Variants in CCNH observed in about 807,000 individuals in gnomAD.
CCNH encodes the protein cyclin H.
Under a neutral mutation model 41.9 loss-of-function variants are expected in CCNH, and 31 were observed. The observed-to-expected ratio is 0.74, with a 90% CI of 0.56 to 1.00. The LOEUF (loss-of-function observed/expected upper bound fraction) is 1.00, where lower values mean the gene tolerates loss of function less well. Among genes scored for constraint, CCNH ranks in the 50% least tolerant of loss-of-function variants. The pLI, the probability that CCNH is intolerant of heterozygous loss-of-function variation, is 0.00. For missense variants in CCNH, 362 were observed against 388.4 expected, an observed-to-expected ratio of 0.93 and a Z score of 0.57; for synonymous variants, 138 against 136.1, an observed-to-expected ratio of 1.01 and a Z score of -0.10.
intron 9 of CCNH, among the ~76,000 whole-genome samples, chr5:87,323,560 A>C (rs1756986620): frequency 6.6e-6 from 1 of 152,206 alleles, no homozygotes; most frequent in African/African-American, 2.4e-5. Flanking sequence ...AAATTCCATA[A>C]GTAAGGTAGT....
chr5:87,399,534 C>G (rs1363442046), intron 6 of CCNH, 29 bp from the exon 7 acceptor site: 2 of 1,453,522 alleles, frequency 1.4e-6, no homozygotes, highest in Non-Finnish European at 9.7e-7. Flanking sequence ...AGAATTTAAA[C>G]TGAATAAGCA....
chr5:87,334,677 T>A (rs1231919979), intron 9 of CCNH, among the ~76,000 whole-genome samples: 1 of 152,232 alleles, frequency 6.6e-6, no homozygotes, highest in African/African-American at 2.4e-5. Context: ...GTGTACTGTA[T>A]TCTTCACTGT....
chr5:87,355,226 C>G (rs1452545137), intron 9 of CCNH, among the ~76,000 whole-genome samples: 1 of 152,162 alleles, frequency 6.6e-6, no homozygotes, highest in African/African-American at 2.4e-5. Context: ...TTATCTAGGA[C>G]TTTCATGGCA....
At chr5:87,346,172 T>C (rs1329260340) in intron 9 of CCNH, among the ~76,000 whole-genome samples, 1 of 152,076 alleles carries the variant, frequency 6.6e-6, no homozygotes, top group Non-Finnish European at 1.5e-5. Context: ...TTTCAGTTCT[T>C]GATGGTGCTA....
Position 87,349,375 on chromosome 5 carries a change from A to AT in CCNH, c.*91-30479dup. ...CCGGTATTATAACAGGTAAATCATA[A>AT]TTTTTTAGCTATCTTTTACTTTTCG... On this transcript the variant is annotated intron_variant and NMD_transcript_variant, in intron 9 of 9. Coordinates refer to the CCNH transcript ENST00000645953. 5.0e-6 allele frequency: 8 copies of AT among 1,610,832 alleles called. No individual in the cohort carries two copies. Among genetic ancestry groups the AT allele is most frequent in the Middle Eastern group, 3.3e-4 (2 of 6,042 alleles).
intron 9 of CCNH, among the ~76,000 whole-genome samples, chr5:87,337,484 A>G (rs1162384214): frequency 6.6e-6 from 1 of 152,072 alleles, no homozygotes; most frequent in African/African-American, 2.4e-5. Context: ...CATCTACATC[A>G]TGCTTATCTA....
exon 1 of CCNH, chr5:87,377,098 G>T (rs1415301640): frequency 2.0e-6 from 3 of 1,531,596 alleles, no homozygotes; most frequent in Non-Finnish European, 2.7e-6. Flanking sequence ...TTATATCAAG[G>T]ATATATGGAC....
intron 9 of CCNH, among the ~76,000 whole-genome samples, chr5:87,384,574 G>C (rs755909385): frequency 3.3e-4 from 50 of 152,068 alleles, no homozygotes; most frequent in Non-Finnish European, 5.9e-4. Flanking sequence ...TTAATATTAA[G>C]GGTTTGAAAT....
At chr5:87,380,418 T>C (rs1761627717), upstream of CCNH, 2 of 1,129,882 alleles carry the variant, frequency 1.8e-6, no homozygotes, top group Admixed American at 1.7e-5. Flanking sequence ...TATTGAACTG[T>C]GGTATATTTG....
rs145615733 is a variant in CCNH, at chr5:87,340,987, T to C, written c.*91-22090A>G. 1.3e-4 allele frequency among the ~76,000 whole-genome samples: 19 copies of C among 151,906 alleles called. No homozygotes were observed. In the East Asian group the frequency reaches 3.5e-3, roughly 28 times the overall value. On this transcript the variant is annotated intron_variant and NMD_transcript_variant, in intron 9 of 9. Coordinates refer to the CCNH transcript ENST00000645953. ...TTTTTTTTTGTTTGGTTTTTCTTAA[T>C]GTAGGGCACAGCTGCTGTTGAAACT...
At chr5:87,389,591 A>C, downstream of CCNH, 1 of 1,579,380 alleles carries the variant, frequency 6.3e-7, no homozygotes, top group Non-Finnish European at 8.7e-7. Flanking sequence ...GAGTTAATAA[A>C]TAGCTGAATT....
intron 9 of CCNH, among the ~76,000 whole-genome samples, chr5:87,324,407 A>C (rs898757480): frequency 2.6e-5 from 4 of 152,124 alleles, no homozygotes; most frequent in African/African-American, 9.7e-5. Context: ...GGTAGTAAAA[A>C]CTTCACAATC....
rs148510282 is a variant in CCNH, at chr5:87,358,968, C to T, written c.*90+33802G>A. ...AGCAAATGACACTTTACCTAGACAC[C>T]TTAATTAACACTGCAACTTGCTCAA... is the stretch of plus-strand genomic sequence containing the variant. On this transcript the variant is annotated intron_variant and NMD_transcript_variant, in intron 9 of 9. Transcript: ENST00000645953. Among the ~76,000 whole-genome samples the T allele has an allele frequency of 4.5e-3, 683 of 152,212 alleles. 4 individuals are homozygous for T. Among genetic ancestry groups the T allele is most frequent in the African/African-American group, 0.016 (645 of 41,526 alleles).
chr5:87,386,880 A>T (rs1408478893), downstream of CCNH: 1 of 1,612,480 alleles, frequency 6.2e-7, no homozygotes, highest in Admixed American at 1.7e-5. Context: ...ACATCGTATG[A>T]TCATGTTTTT....
At chr5:87,343,383 C>T (rs774831707) in intron 9 of CCNH, among the ~76,000 whole-genome samples, 1 of 152,162 alleles carries the variant, frequency 6.6e-6, no homozygotes, top group Non-Finnish European at 1.5e-5. Flanking sequence ...TTAGCCTCAT[C>T]AAATCCTTTT....
downstream of CCNH, among the ~76,000 whole-genome samples, chr5:87,375,502 C>A (rs1363539166): frequency 6.6e-6 from 1 of 152,218 alleles, no homozygotes; most frequent in East Asian, 1.9e-4. Flanking sequence ...CTCAGGTGAT[C>A]TGCCGGCCTC....
chr5:87,345,117 G>T (rs1331943622), intron 9 of CCNH, among the ~76,000 whole-genome samples: 4 of 152,128 alleles, frequency 2.6e-5, no homozygotes, highest in African/African-American at 4.8e-5. Context: ...GGGATTACAG[G>T]TGTGATCCCA....
At chr5:87,374,870 A>G (rs1561320852), downstream of CCNH, 2 of 1,609,676 alleles carry the variant, frequency 1.2e-6, no homozygotes, top group Admixed American at 1.7e-5. Flanking sequence ...ATAGATTTGA[A>G]ATAACTCTTA....
downstream of CCNH, chr5:87,374,338 A>G: frequency 6.3e-7 from 1 of 1,590,248 alleles, no homozygotes; most frequent in Non-Finnish European, 8.6e-7. Flanking sequence ...TTATTTTATC[A>G]TTACATTAAT....
Sources: gnomAD v4.1 joint callset for allele counts (sites outside exome capture counted in the v4.1 genomes callset) on GRCh38, gnomAD v4.1.1 for gene constraint, MANE v1.5 for transcripts, NCBI Gene and HGNC (gene_info 2026-07-23, HGNC 2026-07-21) for gene names.